NAXE: variants seen among roughly 807,000 people sequenced by gnomAD.
The protein encoded by NAXE is NAD(P)H-hydrate epimerase.
NAXE carries 25 observed loss-of-function variants against 31.2 expected under a neutral mutation model. The observed-to-expected ratio is 0.80, with a 90% CI of 0.58 to 1.12. The LOEUF (loss-of-function observed/expected upper bound fraction) is 1.12, where lower values mean the gene tolerates loss of function less well. Ranked by LOEUF, NAXE falls within the 50% of genes most tolerant of loss-of-function variation. The pLI, the probability that NAXE is intolerant of heterozygous loss-of-function variation, is 0.00. For synonymous variants in NAXE, 144 were observed against 154.5 expected (o/e 0.93, Z 0.50); for missense variants, 362 against 376.1 (o/e 0.96, Z 0.31).
chr1:156,593,295 GAC>G, intron 4 of NAXE, 111 bp from the exon 5 acceptor site: 2 of 1,385,348 alleles, frequency 1.4e-6, no homozygotes, highest in Non-Finnish European at 1.9e-6. Context: ...CTCTGAATGA[GAC>G]ACAATACTTG....
chr1:156,592,802 AGT>A, intron 4 of NAXE, 132 bp downstream of exon 4: 4 of 761,104 alleles, frequency 5.3e-6, no homozygotes, highest in Non-Finnish European at 8.6e-6. Context: ...TATTCGAATA[AGT>A]GTGCAAGAGC....
At chr1:156,593,324 C>G in intron 4 of NAXE, 84 bp from the exon 5 acceptor site, 4 of 1,512,140 alleles carry the variant, frequency 2.6e-6, no homozygotes, top group Non-Finnish European at 3.6e-6. Flanking sequence ...TGAGAATGGT[C>G]TGCAGGTGCA....
chr1:156,594,128 C>T lies in NAXE; in HGVS notation c.*44C>T, dbSNP rs1677427603. 6.3e-7 allele frequency: 1 copy of T among 1,596,154 alleles called. No individual in the cohort carries two copies. On this transcript the variant is annotated 3_prime_UTR_variant, in exon 6 of 6. Coordinates refer to ENST00000368235, the MANE Select transcript of NAXE (RefSeq NM_144772.3). ...TCTTCCCAATAAAGACTTAGAGCCC[C>T]TCTCTTCCAGAACTGTGGATTCCTG...
rs1445692096 is a variant in NAXE, at chr1:156,593,563, G to T, written c.664+8G>T. On this transcript the variant is annotated splice_region_variant and intron_variant, in intron 5 of 5. Coordinates refer to ENST00000368235, the MANE Select transcript of NAXE (RefSeq NM_144772.3). ...GCATCGACATTCCCTCAGGTGCTGG[G>T]ATCCAGAAGGTGGGGTGGGGGAGAT... 1 of 1,614,158 alleles carries T rather than the reference G, an allele frequency of 6.2e-7. No homozygotes were observed. Among genetic ancestry groups the T allele is most frequent in the South Asian group, 1.1e-5 (1 of 91,076 alleles).
chr1:156,593,707 C>G, intron 5 of NAXE, 152 bp downstream of exon 5: 1 of 1,352,954 alleles, frequency 7.4e-7, no homozygotes, highest in South Asian at 1.4e-5. Flanking sequence ...CAGAAGTCCC[C>G]TTTACATGTT....
rs1290994161 is a variant in NAXE at position 156,592,182 on chromosome 1, G to A, written c.264G>A (p.Gly88=). 3 of 1,614,216 alleles carry A rather than the reference G, an allele frequency of 1.9e-6. No individual in the cohort carries two copies. The highest frequency in any genetic ancestry group is 1.7e-6 in the Non-Finnish European group (2 of 1,180,044). ...TGGACCAACTTATGGAACTGGCCGG[G>A]CTGAGCTGTGCTACAGCCATCGCCA... is the stretch of plus-strand genomic sequence containing the variant. ...FSVDQLMELA[G]LSCATAIAKA... Residue 88 remains glycine, a synonymous_variant, in exon 2 of 6, where the codon GGG becomes GGA. Transcript: ENST00000368235.
At position 156,592,218 on chromosome 1, in the gene NAXE, C is replaced by A; in HGVS notation, c.291+9C>A. 1 of 1,613,636 alleles carries A rather than the reference C, an allele frequency of 6.2e-7. No individual in the cohort carries two copies. The highest frequency in any genetic ancestry group is 8.5e-7 in the Non-Finnish European group (1 of 1,179,846). On this transcript the variant is annotated intron_variant, in intron 2 of 5. Transcript: ENST00000368235. ...CTACAGCCATCGCCAAGGTCAGTGG[C>A]ACAACTCTCGACCTTTGGGAGCAGC... is the stretch of plus-strand genomic sequence containing the variant.
chr1:156,592,087 C>T lies in NAXE; in HGVS notation c.183-14C>T, dbSNP rs747233652. ...AACACGAGGGGCGGGACTCAGGCCG[C>T]GGGTTTTCCTCAGCCAGGAGGAGGC... On this transcript the variant is annotated splice_polypyrimidine_tract_variant and intron_variant, in intron 1 of 5. Transcript: ENST00000368235. 1 of 1,614,194 alleles carries T rather than the reference C, an allele frequency of 6.2e-7. No homozygotes were observed. The highest frequency in any genetic ancestry group is 1.1e-5 in the South Asian group (1 of 91,082).
chr1:156,592,299 C>G lies in NAXE; in HGVS notation c.292-66C>G, dbSNP rs536242309. 63 of 1,602,092 alleles carry G rather than the reference C, an allele frequency of 3.9e-5. No homozygotes were observed. In the African/African-American group the frequency reaches 8.2e-4, roughly 21 times the overall value. ...CCTAGGCACAAAGGGGTGGGAGAGACAGCTGGGCCAATATGGTCTATTACC... is the reference window on the plus strand; with the variant it reads ...CCTAGGCACAAAGGGGTGGGAGAGAGAGCTGGGCCAATATGGTCTATTACC... On this transcript the variant is annotated intron_variant, in intron 2 of 5. Coordinates refer to ENST00000368235, the MANE Select transcript of NAXE (RefSeq NM_144772.3).
chr1:156,593,842 G>T, intron 5 of NAXE, 40 bp from the exon 6 acceptor site: 1 of 1,601,226 alleles, frequency 6.2e-7, no homozygotes, highest in African/African-American at 1.3e-5. Context: ...AGAAGGGGAC[G>T]AGACATCTGG....
rs781121474 is a variant in NAXE, at chr1:156,593,480, C to T, written c.589C>T (p.Arg197Trp). Residue 197 changes from arginine to tryptophan, a missense_variant, in exon 5 of 6, where the codon CGG (arginine) becomes TGG (tryptophan). By Grantham distance (101) the Arg-to-Trp change is moderately radical. Coordinates refer to ENST00000368235, the MANE Select transcript of NAXE (RefSeq NM_144772.3). ...TGGCTTCAGCTTCAAGGGCGATGTT[C>T]GGGAACCGTTCCACAGCATCCTGAG... is the stretch of plus-strand genomic sequence containing the variant. ...IFGFSFKGDV[R>W]EPFHSILSVL... The T allele has an allele frequency of 1.2e-5, 20 of 1,614,040 alleles. No individual in the cohort carries two copies. Among genetic ancestry groups the T allele is most frequent in the Middle Eastern group, 1.6e-4 (1 of 6,084 alleles).
In NAXE at chr1:156,594,146, G is replaced by A; in HGVS notation, c.*62G>A. 1 of 1,553,208 alleles carries A rather than the reference G, an allele frequency of 6.4e-7. No individual in the cohort carries two copies. The highest frequency in any genetic ancestry group is 8.8e-7 in the Non-Finnish European group (1 of 1,130,898). ...AGAGCCCCTCTCTTCCAGAACTGTG[G>A]ATTCCTGGGAGCTCCTCTGGCAATA... On this transcript the variant is annotated 3_prime_UTR_variant, in exon 6 of 6. Transcript: ENST00000368235.
intron 4 of NAXE, chr1:156,592,911 T>C (rs1677376903): frequency 1.8e-6 from 1 of 540,712 alleles, no homozygotes; most frequent in South Asian, 2.3e-5. Context: ...CCTTCCACTC[T>C]GTAGTCAGAT....
chr1:156,592,094 T>C lies in NAXE; in HGVS notation c.183-7T>C, dbSNP rs974539383. 7 of 1,614,080 alleles carry C rather than the reference T, an allele frequency of 4.3e-6. No homozygotes were observed. The highest frequency in any genetic ancestry group is 5.9e-6 in the Non-Finnish European group (7 of 1,180,034). ...GGGGCGGGACTCAGGCCGCGGGTTT[T>C]CCTCAGCCAGGAGGAGGCCCAGGCC... is the stretch of plus-strand genomic sequence containing the variant. On this transcript the variant is annotated splice_region_variant and splice_polypyrimidine_tract_variant and intron_variant, in intron 1 of 5. Coordinates refer to ENST00000368235, the MANE Select transcript of NAXE (RefSeq NM_144772.3).
chr1:156,592,003 G>A lies in NAXE; in HGVS notation c.182+17G>A. 1 of 1,613,554 alleles carries A rather than the reference G, an allele frequency of 6.2e-7. No homozygotes were observed. The highest frequency in any genetic ancestry group is 1.1e-5 in the South Asian group (1 of 91,072). On this transcript the variant is annotated intron_variant, in intron 1 of 5. Coordinates refer to ENST00000368235, the MANE Select transcript of NAXE (RefSeq NM_144772.3). ...GTACCTGAGGTAGGCACGGGTCTCG[G>A]GTGGCCTGCTCTGCCCCGGGGCGGG...
Position 156,591,975 on chromosome 1 carries a change from G to A in NAXE, c.171G>A (p.Val57=), listed in dbSNP as rs749107961. The part of the protein sequence containing the change: ...WDSEVMASTV[V]KYLSQEEAQA... ...CAGAGGTCATGGCGAGCACGGTGGT[G>A]AAGTACCTGAGGTAGGCACGGGTCT... The change falls in exon 1 of 6, where the codon GTG becomes GTA. Residue 57 remains valine, a synonymous_variant. Transcript: ENST00000368235. The A allele has an allele frequency of 1.2e-6, 2 of 1,613,192 alleles. No homozygotes were observed. The highest frequency in any genetic ancestry group is 2.7e-5 in the African/African-American group (2 of 74,918).
chr1:156,592,557 G>T lies in NAXE; in HGVS notation c.403G>T (p.Gly135Cys). Residue 135 changes from glycine (G) to cysteine (C), a missense_variant and splice_region_variant, in exon 4 of 6, where the codon GGC becomes TGC. Gly to Cys is a radical substitution (Grantham distance 159). Coordinates refer to ENST00000368235, the MANE Select transcript of NAXE (RefSeq NM_144772.3). ...LVCARHLKLF[G>C]YEPTIYYPKR... ...GGTTGAATTACCACTTTCTTCCTAG[G>T]GCTACGAGCCAACCATCTATTACCC... The T allele has an allele frequency of 6.2e-7, 1 of 1,614,040 alleles. No individual in the cohort carries two copies.
rs781121474 is a variant in NAXE, at chr1:156,593,480, C to G, written c.589C>G (p.Arg197Gly). Residue 197 changes from arginine (R) to glycine (G), a missense_variant, in exon 5 of 6, where the codon CGG becomes GGG. Coordinates refer to ENST00000368235, the MANE Select transcript of NAXE (RefSeq NM_144772.3). ...IFGFSFKGDV[R>G]EPFHSILSVL... is the part of the protein sequence containing the mutation. ...TGGCTTCAGCTTCAAGGGCGATGTT[C>G]GGGAACCGTTCCACAGCATCCTGAG... 2 of 1,614,158 alleles carry G rather than the reference C, an allele frequency of 1.2e-6. No individual in the cohort carries two copies. Among genetic ancestry groups the G allele is most frequent in the South Asian group, 1.1e-5 (1 of 91,086 alleles).
chr1:156,593,169 G>T (rs1677386399), intron 4 of NAXE: 1 of 508,054 alleles, frequency 2.0e-6, no homozygotes, highest in Admixed American at 3.7e-5. Flanking sequence ...GGCTATCTCA[G>T]CCTGTAGCCT....
Sources: allele counts gnomAD v4.1 joint callset, GRCh38; gene constraint gnomAD v4.1.1; transcripts MANE v1.5; gene names NCBI Gene and HGNC (gene_info 2026-07-23, HGNC 2026-07-21).